The following RBFOX2 variants were observed in gnomAD, a reference collection of about 807,000 sequenced individuals.
RBFOX2 encodes RNA binding protein fox-1 homolog 2.
A neutral mutation model predicts 49.1 loss-of-function variants in RBFOX2; 10 were observed. The observed-to-expected ratio is 0.20, with a 90% CI of 0.13 to 0.35. The LOEUF is 0.35. RBFOX2 is among the 10% of genes least tolerant of loss of function. RBFOX2 has a pLI of 1.00. For missense variants in RBFOX2, 323 were observed against 486.9 expected, an observed-to-expected ratio of 0.66 and a Z score of 3.17; for synonymous variants, 183 against 187.4, an observed-to-expected ratio of 0.98 and a Z score of 0.19.
At chr22:35,959,401 G>A (rs1403262873) in intron 1 of RBFOX2, among the ~76,000 whole-genome samples, 1 of 152,196 alleles carries the variant, frequency 6.6e-6, no homozygotes. Context: ...GTAAGTGTAT[G>A]ATTATCTATA....
chr22:35,896,345 G>A (rs1229789527), intron 1 of RBFOX2, among the ~76,000 whole-genome samples: 1 of 152,080 alleles, frequency 6.6e-6, no homozygotes, highest in Non-Finnish European at 1.5e-5. Context: ...AGGTTTTGAG[G>A]AATATTCCAC....
At chr22:35,790,151 G>C (rs1947310373) in intron 2 of RBFOX2, among the ~76,000 whole-genome samples, 1 of 152,308 alleles carries the variant, frequency 6.6e-6, no homozygotes, top group East Asian at 1.9e-4. Context: ...AAATCTTATA[G>C]TACTGTGTGT....
intron 1 of RBFOX2, among the ~76,000 whole-genome samples, chr22:35,831,367 A>C (rs971517123): frequency 3.3e-5 from 5 of 152,288 alleles, no homozygotes; most frequent in African/African-American, 9.6e-5. Flanking sequence ...CAGGAGGCAG[A>C]GCTGGCAGTG....
intron 1 of RBFOX2, among the ~76,000 whole-genome samples, chr22:35,974,678 C>T (rs951722696): frequency 6.6e-6 from 1 of 152,106 alleles, no homozygotes; most frequent in African/African-American, 2.4e-5. Context: ...CAGAGCGAGA[C>T]TCCGTATCAA....
chr22:35,796,608 T>A (rs1948834772), intron 2 of RBFOX2, among the ~76,000 whole-genome samples: 4 of 152,220 alleles, frequency 2.6e-5, no homozygotes, highest in Admixed American at 2.6e-4. Flanking sequence ...ATGTCGAATC[T>A]GAAACCTTAT....
chr22:35,924,797 G>C (rs1365885261), intron 1 of RBFOX2, among the ~76,000 whole-genome samples: 1 of 152,190 alleles, frequency 6.6e-6, no homozygotes, highest in East Asian at 1.9e-4. Flanking sequence ...AAGCATGAGA[G>C]AACTCTTGTT....
chr22:35,940,833 A>T (rs866986452), upstream of RBFOX2, among the ~76,000 whole-genome samples: 3 of 152,178 alleles, frequency 2.0e-5, no homozygotes, highest in Non-Finnish European at 4.4e-5. Flanking sequence ...AAAGGCCACA[A>T]ATTATATAAT....
At chr22:35,973,802 T>C (rs2057005415) in intron 1 of RBFOX2, among the ~76,000 whole-genome samples, 2 of 152,232 alleles carry the variant, frequency 1.3e-5, no homozygotes, top group African/African-American at 4.8e-5. Context: ...ATCTCATATA[T>C]TAAGTAACCT....
At chr22:35,936,942 A>T (rs926694107) in intron 1 of RBFOX2, among the ~76,000 whole-genome samples, 7 of 152,226 alleles carry the variant, frequency 4.6e-5, no homozygotes, top group Non-Finnish European at 8.8e-5. Context: ...CACAATAAGC[A>T]ACATTTTATA....
At chr22:35,955,566 T>C (rs905045401) in intron 1 of RBFOX2, among the ~76,000 whole-genome samples, 1 of 152,116 alleles carries the variant, frequency 6.6e-6, no homozygotes, top group Non-Finnish European at 1.5e-5. Flanking sequence ...AGGGTGGGGA[T>C]AGTTTCAAGA....
At chr22:35,847,598 T>C (rs549001056) in intron 1 of RBFOX2, among the ~76,000 whole-genome samples, 71 of 152,276 alleles carry the variant, frequency 4.7e-4, no homozygotes, top group African/African-American at 1.7e-3. Flanking sequence ...AAACTGTTAC[T>C]TTAAAAAAGT....
intron 4 of RBFOX2, among the ~76,000 whole-genome samples, chr22:35,768,841 GA>G (rs546535831): frequency 3.7e-4 from 57 of 152,152 alleles, no homozygotes; most frequent in Non-Finnish European, 6.9e-4. Context: ...TGCATAATGA[GA>G]TTTTTTTTAA....
At chr22:35,876,197 T>C (rs1205262070) in intron 1 of RBFOX2, among the ~76,000 whole-genome samples, 1 of 151,976 alleles carries the variant, frequency 6.6e-6, no homozygotes, top group Non-Finnish European at 1.5e-5. Flanking sequence ...ATAAATATGG[T>C]GGGGGGTACT....
chr22:35,806,497 A>G (rs546422723), intron 2 of RBFOX2, among the ~76,000 whole-genome samples: 5 of 152,202 alleles, frequency 3.3e-5, no homozygotes, highest in Non-Finnish European at 7.3e-5. Flanking sequence ...ACCATTAGTA[A>G]TAAGTTGTGA....
intron 1 of RBFOX2, chr22:35,961,535 C>A (rs1367802469): frequency 8.4e-6 from 11 of 1,303,314 alleles, no homozygotes; most frequent in Non-Finnish European, 1.1e-5. Context: ...CACTCCACCA[C>A]CCCCCACACA....
Position 35,749,538 on chromosome 22 carries a change from C to T in RBFOX2, c.888-2977G>A, listed in dbSNP as rs190284408. On this transcript the variant is annotated intron_variant, in intron 9 of 11. Transcript: ENST00000405409. This position sits in a 1 kb window ranked among gnomAD's most constrained non-coding sequence, Gnocchi z 4.1. ...ACACACACGCACACACACACATACA[C>T]TTACTCGAAAGTATTTTTGCTGCTT... Among the ~76,000 whole-genome samples the T allele has an allele frequency of 1.3e-5, 2 of 152,248 alleles. No homozygotes were observed. Among genetic ancestry groups the T allele is most frequent in the Non-Finnish European group, 2.9e-5 (2 of 67,988 alleles).
chr22:35,832,995 T>A (rs1957067305), intron 1 of RBFOX2, among the ~76,000 whole-genome samples: 1 of 152,220 alleles, frequency 6.6e-6, no homozygotes, highest in African/African-American at 2.4e-5. Flanking sequence ...ATGGGTATCC[T>A]AATTACTGAT....
intron 1 of RBFOX2, among the ~76,000 whole-genome samples, chr22:35,926,561 C>T (rs1378320389): frequency 6.6e-6 from 1 of 152,176 alleles, no homozygotes; most frequent in East Asian, 1.9e-4. Flanking sequence ...GACTAACAAT[C>T]ACAGCTCAAC....
chr22:36,024,954 C>T (rs2059376292), intron 1 of RBFOX2, among the ~76,000 whole-genome samples: 1 of 151,590 alleles, frequency 6.6e-6, no homozygotes, highest in Non-Finnish European at 1.5e-5. Flanking sequence ...ATTACAGGCG[C>T]CTGCCACCAC....
Sources: gnomAD v4.1 joint callset for allele counts (sites outside exome capture counted in the v4.1 genomes callset) on GRCh38, gnomAD v4.1.1 for gene constraint, Gnocchi (gnomAD v3.1) non-coding constraint, MANE v1.5 for transcripts, NCBI Gene and HGNC (gene_info 2026-07-23, HGNC 2026-07-21) for gene names.